Variants in VPS13B observed in about 807,000 individuals in gnomAD.
The protein encoded by VPS13B is intermembrane lipid transfer protein VPS13B.
In VPS13B, 285 loss-of-function variants were observed where a neutral mutation model predicts 426.4. The ratio of observed to expected loss-of-function variants is 0.67; its 90% CI spans 0.61 to 0.74. The LOEUF (loss-of-function observed/expected upper bound fraction) is 0.74, where lower values mean the gene tolerates loss of function less well. Ranked by LOEUF, VPS13B falls within the 30% of genes least tolerant of loss-of-function variation. The probability of loss-of-function intolerance (pLI) is 0.00; values close to 1 mark genes in which losing one functional copy is unlikely to be tolerated. For synonymous variants in VPS13B, 1,676 were observed against 1,676.4 expected, an observed-to-expected ratio of 1.00 and a Z score of 0.01; for missense variants, 4,537 against 4,782.6, an observed-to-expected ratio of 0.95 and a Z score of 1.51.
intron 23 of VPS13B, among the ~76,000 whole-genome samples, chr8:99,456,956 T>C (rs1387914406): frequency 1.3e-5 from 2 of 152,150 alleles, no homozygotes; most frequent in Admixed American, 6.6e-5. Context: ...TTTAAATTAA[T>C]AATTTAATTT....
In VPS13B at chr8:99,511,236, T is replaced by C. The variant is rs771420728; in HGVS notation, c.4357T>C (p.Ser1453Pro). Residue 1453 changes from serine (S) to proline (P), a missense_variant, in exon 29 of 62, where the codon TCT becomes CCT. Physicochemically the swap from Ser to Pro is moderately conservative, Grantham distance 74. Transcript: ENST00000357162. ...RNERRSFHKL[S>P]EGLMDGSPHF... ...TGAGCGAAGAAGTTTTCATAAGTTA[T>C]CTGAAGGCCTAATGGATGGTTCTCC... 3 of 1,614,124 alleles carry C rather than the reference T, an allele frequency of 1.9e-6. No individual in the cohort carries two copies. The highest frequency in any genetic ancestry group is 3.3e-5 in the Admixed American group (2 of 60,024).
At chr8:99,087,275 C>T (rs1251694052) in intron 3 of VPS13B, among the ~76,000 whole-genome samples, 1 of 152,178 alleles carries the variant, frequency 6.6e-6, no homozygotes, top group Non-Finnish European at 1.5e-5. Flanking sequence ...GATTTAATCT[C>T]CTGGTGTGCC....
intron 4 of VPS13B, among the ~76,000 whole-genome samples, chr8:99,098,986 C>G (rs1360020631): frequency 6.6e-6 from 1 of 152,068 alleles, no homozygotes; most frequent in Non-Finnish European, 1.5e-5. Flanking sequence ...TTTTTTCCCT[C>G]CTTTGCAATA....
chr8:99,611,565 CA>C (rs901548884), intron 33 of VPS13B, among the ~76,000 whole-genome samples: 14 of 149,920 alleles, frequency 9.3e-5, no homozygotes, highest in Non-Finnish European at 1.6e-4. Context: ...AACATACAAA[CA>C]AAAAAAAACT....
At chr8:99,066,400 G>T (rs1392938327) in intron 3 of VPS13B, among the ~76,000 whole-genome samples, 2 of 152,208 alleles carry the variant, frequency 1.3e-5, no homozygotes, top group Admixed American at 6.5e-5. Flanking sequence ...AAGCAATGGG[G>T]AAAGGATTCC....
In VPS13B at chr8:99,088,181, C is replaced by T. The variant is rs1845945617; in HGVS notation, c.292-8131C>T. Among the ~76,000 whole-genome samples the T allele has an allele frequency of 2.3e-5, 3 of 128,684 alleles. No homozygotes were observed. In the Admixed American group the frequency reaches 2.5e-4, roughly 11 times the overall value. The allele number at this position is 128,684 out of a possible 152,430, so 84.4% of individuals were successfully genotyped here. A position where few individuals can be genotyped will look rare whatever the true frequency, so the allele number is the denominator to read the frequency against. On this transcript the variant is annotated intron_variant, in intron 3 of 61. Coordinates refer to ENST00000357162, the MANE Select transcript of VPS13B (RefSeq NM_152564.5). ...ACTGAGTGACAGAGTGAGACCCTGT[C>T]TCAAAAAAAAAAAAAAAAAAAATTG...
chr8:99,353,534 C>T (rs1443250771), intron 19 of VPS13B, among the ~76,000 whole-genome samples: 2 of 150,586 alleles, frequency 1.3e-5, no homozygotes, highest in Admixed American at 6.6e-5. Flanking sequence ...TTTGAAGGCA[C>T]ACCTTACATG....
At position 99,868,348 on chromosome 8, in the gene VPS13B, C is replaced by G. The variant is rs797046093; in HGVS notation, c.11275C>G (p.Gln3759Glu). 1.9e-6 allele frequency: 3 copies of G among 1,614,128 alleles called. No homozygotes were observed. The highest frequency in any genetic ancestry group is 1.3e-5 in the African/African-American group (1 of 75,018). ...MQNFQKTSEA[Q>E]ASAGHKAKGV... ...GAACTTCCAGAAAACATCTGAGGCA[C>G]AGGCTTCAGCAGGACACAAGGCCAA... Residue 3759 changes from glutamine to glutamate, a missense_variant, in exon 59 of 62, where the codon CAG (glutamine) becomes GAG (glutamate). This residue lies in a region of VPS13B where 4,311 missense variants were observed against 4,474.3 expected (regional missense o/e 0.96). Transcript: ENST00000357162.
intron 36 of VPS13B, among the ~76,000 whole-genome samples, chr8:99,701,323 T>C (rs2130193235): frequency 6.6e-6 from 1 of 152,338 alleles, no homozygotes; most frequent in East Asian, 1.9e-4. Flanking sequence ...TTTCCAGTTG[T>C]ACCTCAATCA....
intron 35 of VPS13B, among the ~76,000 whole-genome samples, chr8:99,695,710 A>C (rs973096750): frequency 1.6e-4 from 24 of 151,102 alleles, no homozygotes; most frequent in Non-Finnish European, 3.2e-4. Flanking sequence ...AAAAAAAAAA[A>C]AACTCCATAC....
chr8:99,182,602 G>A (rs1813001686), intron 16 of VPS13B, among the ~76,000 whole-genome samples: 1 of 152,130 alleles, frequency 6.6e-6, no homozygotes, highest in African/African-American at 2.4e-5. Flanking sequence ...TATGAGTTAA[G>A]CAATTCTTAA....
chr8:99,248,354 T>C lies in VPS13B; in HGVS notation c.2516-25844T>C, dbSNP rs894021252. The stretch of plus-strand genomic sequence containing the variant: ...CAATGTATACATATATAGAAATATA[T>C]ATATCTGCATTTAAAAATATTTTTG... On this transcript the variant is annotated intron_variant, in intron 17 of 61. Coordinates refer to ENST00000357162, the MANE Select transcript of VPS13B (RefSeq NM_152564.5). Among the ~76,000 whole-genome samples, 4 of 152,174 alleles carry C rather than the reference T, an allele frequency of 2.6e-5. No homozygotes were observed. In the East Asian group the frequency reaches 7.7e-4, roughly 29 times the overall value.
At chr8:99,268,348 C>T (rs537418919) in intron 17 of VPS13B, among the ~76,000 whole-genome samples, 4 of 152,296 alleles carry the variant, frequency 2.6e-5, no homozygotes, top group African/African-American at 9.6e-5. Flanking sequence ...ATATCTTGCA[C>T]CATGTGGCCG....
chr8:99,035,878 T>C (rs1842720907), intron 2 of VPS13B, among the ~76,000 whole-genome samples: 1 of 152,212 alleles, frequency 6.6e-6, no homozygotes, highest in Non-Finnish European at 1.5e-5. Context: ...TGTGGTTTTT[T>C]TATTTGTATT....
intron 25 of VPS13B, among the ~76,000 whole-genome samples, chr8:99,489,487 C>T (rs1408331969): frequency 1.3e-5 from 2 of 152,014 alleles, no homozygotes; most frequent in African/African-American, 4.8e-5. Context: ...TACAAATTAC[C>T]TTGGGCAGTA....
intron 17 of VPS13B, among the ~76,000 whole-genome samples, chr8:99,223,465 T>A (rs944346999): frequency 4.6e-5 from 7 of 152,182 alleles, no homozygotes; most frequent in Non-Finnish European, 1.0e-4. Context: ...ATTATTTCCA[T>A]TGTACAAATG....
At position 99,502,940 on chromosome 8, in the gene VPS13B, T is replaced by C; in HGVS notation, c.4147T>C (p.Tyr1383His). The C allele has an allele frequency of 6.2e-7, 1 of 1,601,126 alleles. No individual in the cohort carries two copies. Among genetic ancestry groups the C allele is most frequent in the Non-Finnish European group, 8.6e-7 (1 of 1,168,828 alleles). The change falls in exon 27 of 62, where the codon TAT becomes CAT. Residue 1383 changes from tyrosine (Y) to histidine (H), a missense_variant. Tyr to His is a moderately conservative substitution (Grantham distance 83). Transcript: ENST00000357162. ...CKIESFNIDH[Y>H]RSRPGEGWQS... ...AATAGAGAGTTTCAATATTGATCAC[T>C]ATAGAAGCAGGTAAATAATGAATAA...
chr8:99,343,406 G>A (rs533214675), intron 19 of VPS13B, among the ~76,000 whole-genome samples: 3 of 152,206 alleles, frequency 2.0e-5, no homozygotes, highest in East Asian at 3.9e-4. Flanking sequence ...CCATTTTTCA[G>A]TTAGGTTGTT....
chr8:99,061,405 C>T (rs1013208431), intron 3 of VPS13B, among the ~76,000 whole-genome samples: 1 of 150,522 alleles, frequency 6.6e-6, no homozygotes, highest in Admixed American at 6.6e-5. Flanking sequence ...TCTATCTGAC[C>T]TGAGTTTTCT....
Sources: gnomAD v4.1 joint callset for allele counts (sites outside exome capture counted in the v4.1 genomes callset) on GRCh38, gnomAD v4.1.1 for gene constraint, gnomAD v4.1.1 regional missense constraint, MANE v1.5 for transcripts, NCBI Gene and HGNC (gene_info 2026-07-23, HGNC 2026-07-21) for gene names.